SLC24A2: variants seen among roughly 807,000 people sequenced by gnomAD.
SLC24A2 encodes the protein sodium/potassium/calcium exchanger 2.
In SLC24A2, 36 loss-of-function variants were observed where a neutral mutation model predicts 62.0. That is an observed-to-expected ratio of 0.58 (90% CI 0.44 to 0.77). SLC24A2 has a LOEUF of 0.77. SLC24A2 is among the 30% of genes least tolerant of loss of function. SLC24A2 has a pLI of 0.00. For missense variants in SLC24A2, 846 were observed against 817.9 expected (o/e 1.03, Z -0.42); for synonymous variants, 358 against 294.0 (o/e 1.22, Z -2.23).
At chr9:20,299,429 C>G in the SLC24A2 span, among the ~76,000 whole-genome samples, 1 of 152,158 alleles carries the variant, frequency 6.6e-6, no homozygotes, top group Non-Finnish European at 1.5e-5. Flanking sequence ...TGAAGTGAAT[C>G]CAGGAAGAAG....
chr9:19,926,734 G>C, the SLC24A2 span: 2 of 152,450 alleles, frequency 1.3e-5, no homozygotes, highest in Non-Finnish European at 2.9e-5. Context: ...ACTGCACTTG[G>C]ATTGGCCATT....
At chr9:20,078,007 G>A in the SLC24A2 span, among the ~76,000 whole-genome samples, 2 of 143,456 alleles carry the variant, frequency 1.4e-5, 1 homozygote, top group South Asian at 4.9e-4. Context: ...TGCTGGTGAG[G>A]AGGGGCACAG....
At chr9:19,832,278 T>C in the SLC24A2 span, among the ~76,000 whole-genome samples, 111 of 152,216 alleles carry the variant, frequency 7.3e-4, 1 homozygote, top group Non-Finnish European at 1.3e-3. Flanking sequence ...TCAAAGTAAT[T>C]TGGCTGATTT....
chr9:19,594,277 A>C (rs572359643), intron 5 of SLC24A2, among the ~76,000 whole-genome samples: 23 of 152,244 alleles, frequency 1.5e-4, no homozygotes, highest in African/African-American at 5.3e-4. Flanking sequence ...CCATGGGGTC[A>C]AACTGCCCAC....
At chr9:19,687,462 C>T (rs376503097) in intron 2 of SLC24A2, among the ~76,000 whole-genome samples, 1 of 152,060 alleles carries the variant, frequency 6.6e-6, no homozygotes, top group African/African-American at 2.4e-5. Flanking sequence ...AGCAAACAGA[C>T]AAATTCCTTT....
chr9:19,831,855 C>G, the SLC24A2 span, among the ~76,000 whole-genome samples: 1 of 152,144 alleles, frequency 6.6e-6, no homozygotes, highest in Admixed American at 6.5e-5. Flanking sequence ...CCTTGCTAAA[C>G]TTAGAATAGA....
At chr9:20,080,116 GAA>G in the SLC24A2 span, among the ~76,000 whole-genome samples, 2 of 152,106 alleles carry the variant, frequency 1.3e-5, no homozygotes, top group Non-Finnish European at 2.9e-5. Flanking sequence ...CACAGAATTG[GAA>G]AAAACTACTT....
chr9:20,215,330 G>C, the SLC24A2 span, among the ~76,000 whole-genome samples: 2 of 152,078 alleles, frequency 1.3e-5, no homozygotes, highest in South Asian at 4.2e-4. Context: ...TGAATTTTGT[G>C]GGGGACAAAA....
rs1248588573 is a variant in SLC24A2, at chr9:19,515,221, C to G, written c.*932G>C. On this transcript the variant is annotated 3_prime_UTR_variant, in exon 11 of 11. Coordinates refer to ENST00000341998, the MANE Select transcript of SLC24A2 (RefSeq NM_020344.4). ...ATTTGGTTTGTAGTCATATTTTCTA[C>G]TTGCATGCTGGGACAATATAAGAAC... 1 of 152,136 alleles carries G rather than the reference C, an allele frequency of 6.6e-6. No homozygotes were observed. The highest frequency in any genetic ancestry group is 1.5e-5 in the Non-Finnish European group (1 of 68,040). 9.4% of individuals were successfully genotyped at this position (152,136 alleles called of 1,614,324 possible).
chr9:19,961,148 AG>A, the SLC24A2 span, among the ~76,000 whole-genome samples: 11 of 150,786 alleles, frequency 7.3e-5, no homozygotes, highest in South Asian at 1.9e-3. Context: ...GGGGAGAGAG[AG>A]AGAGAGAGAG....
Position 19,744,199 on chromosome 9 carries a change from G to A in SLC24A2, c.930+41738C>T, listed in dbSNP as rs569389138. 3.9e-5 allele frequency among the ~76,000 whole-genome samples: 6 copies of A among 152,252 alleles called. No individual in the cohort carries two copies. In the South Asian group the frequency reaches 1.2e-3, roughly 32 times the overall value. ...AAGAGGGTCTTGTCCATATTACTGA[G>A]AGGATAAAGATCATCATCTTTAATT... is the stretch of plus-strand genomic sequence containing the variant. On this transcript the variant is annotated intron_variant, in intron 2 of 10. Transcript: ENST00000341998.
chr9:19,670,575 A>G (rs949727230), intron 2 of SLC24A2, among the ~76,000 whole-genome samples: 6 of 152,056 alleles, frequency 3.9e-5, no homozygotes, highest in African/African-American at 1.2e-4. Context: ...TATTATTCCC[A>G]TTTTACAGAT....
chr9:20,112,043 A>T, the SLC24A2 span, among the ~76,000 whole-genome samples: 1 of 152,202 alleles, frequency 6.6e-6, no homozygotes, highest in Admixed American at 6.6e-5. Flanking sequence ...ACCATTAAGA[A>T]AATGAAAAAA....
the SLC24A2 span, among the ~76,000 whole-genome samples, chr9:20,144,027 A>G: frequency 2.6e-5 from 4 of 152,212 alleles, no homozygotes; most frequent in African/African-American, 4.8e-5. Context: ...AAGGTTTCCT[A>G]TATGTTACAT....
At chr9:19,665,887 T>C (rs146758766) in intron 2 of SLC24A2, among the ~76,000 whole-genome samples, 148 of 152,188 alleles carry the variant, frequency 9.7e-4, no homozygotes, top group Middle Eastern at 3.4e-3. Flanking sequence ...CTGAACTCCT[T>C]GGCTGAAGCA....
the SLC24A2 span, among the ~76,000 whole-genome samples, chr9:20,093,855 T>C: frequency 6.6e-6 from 1 of 152,172 alleles, no homozygotes; most frequent in Non-Finnish European, 1.5e-5. Context: ...ATGCTTGAGG[T>C]GATGGATACC....
chr9:19,884,273 T>C, the SLC24A2 span, among the ~76,000 whole-genome samples: 1 of 151,446 alleles, frequency 6.6e-6, no homozygotes. Flanking sequence ...TTATGAGCCC[T>C]ATTCCTAAAG....
At chr9:19,549,031 A>G (rs1489721384) in intron 8 of SLC24A2, among the ~76,000 whole-genome samples, 1 of 152,190 alleles carries the variant, frequency 6.6e-6, no homozygotes, top group Non-Finnish European at 1.5e-5. Context: ...CCAAGAACTC[A>G]CTTCAACAAC....
chr9:19,887,265 T>A, the SLC24A2 span, among the ~76,000 whole-genome samples: 1 of 152,188 alleles, frequency 6.6e-6, no homozygotes, highest in African/African-American at 2.4e-5. Flanking sequence ...TGCCTTTTGC[T>A]TGTAAATTTG....
Sources: allele counts gnomAD v4.1 joint callset (sites outside exome capture counted in the v4.1 genomes callset), GRCh38; gene constraint gnomAD v4.1.1; transcripts MANE v1.5; gene names NCBI Gene and HGNC (gene_info 2026-07-23, HGNC 2026-07-21).